Variants in RNF180 observed in about 807,000 individuals in gnomAD.
RNF180 encodes ring finger protein 180, also known as E3 ubiquitin-protein ligase RNF180.
RNF180 carries 38 observed loss-of-function variants against 59.2 expected under a neutral mutation model. The ratio of observed to expected loss-of-function variants is 0.64; its 90% CI spans 0.50 to 0.84. The LOEUF is 0.84. Ranked by LOEUF, RNF180 falls within the 40% of genes least tolerant of loss-of-function variation. RNF180 has a pLI of 0.00. For synonymous variants in RNF180, 262 were observed against 240.3 expected, an observed-to-expected ratio of 1.09 and a Z score of -0.84; for missense variants, 705 against 700.9, an observed-to-expected ratio of 1.01 and a Z score of -0.07.
chr5:64,345,274 CTG>C (rs897719996), intron 7 of RNF180, among the ~76,000 whole-genome samples: 1 of 152,178 alleles, frequency 6.6e-6, no homozygotes. Context: ...AGGGTGCCCT[CTG>C]GAGCTCCGCA....
chr5:64,368,272 A>G (rs1746525330), intron 7 of RNF180, among the ~76,000 whole-genome samples: 1 of 151,802 alleles, frequency 6.6e-6, no homozygotes, highest in Non-Finnish European at 1.5e-5. Flanking sequence ...AACTAAACTG[A>G]ATGAAATTCT....
intron 5 of RNF180, among the ~76,000 whole-genome samples, chr5:64,237,520 T>TG (rs1742515702): frequency 6.6e-6 from 1 of 152,126 alleles, no homozygotes; most frequent in Non-Finnish European, 1.5e-5. Context: ...ATTTTGGAAT[T>TG]GGACTTTTGA....
intron 1 of RNF180, among the ~76,000 whole-genome samples, chr5:64,193,866 CAAT>C (rs1751306848): frequency 6.6e-6 from 1 of 152,024 alleles, no homozygotes; most frequent in Non-Finnish European, 1.5e-5. Context: ...AACCAGGGCC[CAAT>C]AATAAGAGTT....
chr5:64,172,130 C>T (rs1405423358), intron 1 of RNF180, among the ~76,000 whole-genome samples: 2 of 152,164 alleles, frequency 1.3e-5, no homozygotes, highest in African/African-American at 4.8e-5. Context: ...AGTGAGGAAA[C>T]ATCTTTGCTT....
At chr5:64,331,403 G>T (rs1744900874) in intron 7 of RNF180, among the ~76,000 whole-genome samples, 1 of 152,124 alleles carries the variant, frequency 6.6e-6, no homozygotes, top group Non-Finnish European at 1.5e-5. Context: ...CCTGCCTATG[G>T]CCACCCATGA....
At chr5:64,175,301 A>G (rs886812607) in intron 1 of RNF180, among the ~76,000 whole-genome samples, 4 of 152,104 alleles carry the variant, frequency 2.6e-5, no homozygotes, top group Non-Finnish European at 5.9e-5. Flanking sequence ...TTTTTTTCAT[A>G]TGGTAGAAGA....
chr5:64,214,320 C>T lies in RNF180; in HGVS notation c.994C>T (p.Leu332=). ...DHTNTNNLTF[L]MDLPSAGRSM... is the part of the protein sequence containing the mutation. ...TACTAATACTAACAATCTGACTTTC[C>T]TGATGGACCTGCCCTCAGCTGGCAG... Residue 332 remains leucine, a synonymous_variant, in exon 4 of 8, where the codon CTG becomes TTG. Coordinates refer to ENST00000389100, the MANE Select transcript of RNF180 (RefSeq NM_001113561.2). 6.2e-7 allele frequency: 1 copy of T among 1,614,052 alleles called. No homozygotes were observed. Among genetic ancestry groups the T allele is most frequent in the Non-Finnish European group, 8.5e-7 (1 of 1,180,000 alleles).
At chr5:64,279,111 T>G (rs1192489101) in intron 5 of RNF180, among the ~76,000 whole-genome samples, 4 of 152,172 alleles carry the variant, frequency 2.6e-5, no homozygotes, top group Non-Finnish European at 4.4e-5. Flanking sequence ...CATACCAACA[T>G]TTAATGGTTT....
chr5:64,302,526 T>C (rs1302644575), intron 5 of RNF180, among the ~76,000 whole-genome samples: 1 of 151,520 alleles, frequency 6.6e-6, no homozygotes, highest in Non-Finnish European at 1.5e-5. Flanking sequence ...CCATAGAGGA[T>C]TGGGGCCAAA....
chr5:64,303,051 A>T (rs1239613738), intron 5 of RNF180, among the ~76,000 whole-genome samples: 1 of 151,620 alleles, frequency 6.6e-6, no homozygotes, highest in African/African-American at 2.4e-5. Context: ...CAATTGTTGC[A>T]ATATTTTAAA....
chr5:64,222,765 C>T (rs1741425508), intron 5 of RNF180, among the ~76,000 whole-genome samples: 1 of 152,178 alleles, frequency 6.6e-6, no homozygotes, highest in South Asian at 2.1e-4. Context: ...ATTCAAGTTT[C>T]TGGATGACAC....
intron 5 of RNF180, among the ~76,000 whole-genome samples, chr5:64,236,586 T>A (rs1742454057): frequency 6.6e-6 from 1 of 152,160 alleles, no homozygotes; most frequent in South Asian, 2.1e-4. Context: ...GCATAAGTAA[T>A]GAGAAGATGA....
intron 1 of RNF180, among the ~76,000 whole-genome samples, chr5:64,193,455 TA>T (rs1751287027): frequency 6.6e-6 from 1 of 152,126 alleles, no homozygotes; most frequent in South Asian, 2.1e-4. Context: ...TGTATCTTAA[TA>T]AAGCTTTTTT....
chr5:64,218,715 T>C (rs1180274664), intron 5 of RNF180, among the ~76,000 whole-genome samples: 1 of 152,204 alleles, frequency 6.6e-6, no homozygotes, highest in Non-Finnish European at 1.5e-5. Context: ...GGTATGTCTT[T>C]CTTTTTAAGT....
At chr5:64,249,286 TAAAGAC>T (rs1743408324) in intron 5 of RNF180, among the ~76,000 whole-genome samples, 2 of 152,044 alleles carry the variant, frequency 1.3e-5, no homozygotes, top group Admixed American at 6.6e-5. Context: ...TGTCAAAACT[TAAAGAC>T]AGAGAGGATT....
At chr5:64,202,055 T>C (rs375771429) in intron 2 of RNF180, among the ~76,000 whole-genome samples, 2 of 152,238 alleles carry the variant, frequency 1.3e-5, no homozygotes, top group Admixed American at 6.5e-5. Context: ...ATATAACTTA[T>C]ATGTAGTACA....
chr5:64,255,885 T>C (rs568850165), intron 5 of RNF180, among the ~76,000 whole-genome samples: 247 of 152,324 alleles, frequency 1.6e-3, no homozygotes, highest in African/African-American at 5.6e-3. Context: ...TTTTAATGAT[T>C]GCCATTCAAA....
At chr5:64,195,304 G>A (rs1407930680) in intron 1 of RNF180, among the ~76,000 whole-genome samples, 2 of 152,126 alleles carry the variant, frequency 1.3e-5, no homozygotes, top group African/African-American at 2.4e-5. Context: ...TTTAAACCAA[G>A]CATATTTACT....
At position 64,171,990 on chromosome 5, in the gene RNF180, C is replaced by T. The variant is rs73100358; in HGVS notation, c.-1+6037C>T. On this transcript the variant is annotated intron_variant, in intron 1 of 7. Coordinates refer to ENST00000389100, the MANE Select transcript of RNF180 (RefSeq NM_001113561.2). Reference sequence around the variant, plus strand: ...TTTGGCACAAAAATCAGTTGGAGTACTTACCTGCTATTCAGCCTCAGTTCT... The same window carrying T: ...TTTGGCACAAAAATCAGTTGGAGTATTTACCTGCTATTCAGCCTCAGTTCT... Among the ~76,000 whole-genome samples the T allele has an allele frequency of 4.9e-3, 753 of 152,284 alleles. 10 individuals carry two copies. The highest frequency in any genetic ancestry group is 0.017 in the African/African-American group (705 of 41,530).
Sources: allele counts gnomAD v4.1 joint callset (sites outside exome capture counted in the v4.1 genomes callset), GRCh38; gene constraint gnomAD v4.1.1; transcripts MANE v1.5; gene names NCBI Gene and HGNC (gene_info 2026-07-23, HGNC 2026-07-21).